Variants in KIZ observed in about 807,000 individuals in gnomAD.
KIZ encodes the protein centrosomal protein kizuna.
Under a neutral mutation model 79.6 loss-of-function variants are expected in KIZ, and 68 were observed. The observed-to-expected ratio is 0.85, with a 90% CI of 0.70 to 1.05. The LOEUF (loss-of-function observed/expected upper bound fraction) is 1.05, where lower values mean the gene tolerates loss of function less well. Ranked by LOEUF, KIZ falls within the 50% of genes least tolerant of loss-of-function variation. KIZ has a pLI of 0.00. For synonymous variants in KIZ, 280 were observed against 281.8 expected, an observed-to-expected ratio of 0.99 and a Z score of 0.06; for missense variants, 797 against 800.4, an observed-to-expected ratio of 1.00 and a Z score of 0.05.
At chr20:21,193,756 CA>C (rs939633180) in intron 6 of KIZ, among the ~76,000 whole-genome samples, 7 of 147,520 alleles carry the variant, frequency 4.7e-5, no homozygotes, top group African/African-American at 1.8e-4. Flanking sequence ...ATCGCAAGGA[CA>C]AAAAACCAAA....
intron 3 of KIZ, among the ~76,000 whole-genome samples, chr20:21,140,939 G>A (rs143066565): frequency 1.7e-3 from 255 of 152,212 alleles, no homozygotes; most frequent in African/African-American, 6.1e-3. Context: ...CCAGGAGGTT[G>A]AGGTTATAGT....
intron 6 of KIZ, among the ~76,000 whole-genome samples, chr20:21,176,332 A>G (rs1037992520): frequency 5.3e-5 from 8 of 152,060 alleles, no homozygotes; most frequent in South Asian, 2.1e-4. Context: ...CAATCAATCA[A>G]TCAATCCGGA....
At chr20:21,173,536 C>T (rs774955077) in intron 6 of KIZ, among the ~76,000 whole-genome samples, 1 of 144,874 alleles carries the variant, frequency 6.9e-6, no homozygotes, top group African/African-American at 2.5e-5. Context: ...CAAGATTGTG[C>T]CACTGGACTC....
intron 12 of KIZ, 108 bp from the exon 13 acceptor site, chr20:21,246,371 T>C (rs989233918): frequency 4.1e-5 from 29 of 706,434 alleles, no homozygotes; most frequent in Admixed American, 7.3e-5. Context: ...CTGTTATGCA[T>C]TTTGCAGACT....
intron 6 of KIZ, among the ~76,000 whole-genome samples, chr20:21,175,177 G>A (rs752694637): frequency 4.6e-5 from 7 of 152,222 alleles, no homozygotes; most frequent in African/African-American, 1.4e-4. Flanking sequence ...AGATGTGGCC[G>A]TCAGGGTATT....
intron 9 of KIZ, among the ~76,000 whole-genome samples, chr20:21,220,473 GT>G (rs959127467): frequency 2.0e-5 from 3 of 151,904 alleles, no homozygotes; most frequent in South Asian, 2.1e-4. Flanking sequence ...TATTTATTTT[GT>G]TTTTTTATTA....
intron 6 of KIZ, among the ~76,000 whole-genome samples, chr20:21,202,948 T>G (rs2035656791): frequency 6.6e-6 from 1 of 152,224 alleles, no homozygotes; most frequent in Non-Finnish European, 1.5e-5. Context: ...AACGCTTTTT[T>G]TCTTGAGTAG....
chr20:21,130,922 C>T lies in KIZ; in HGVS notation c.90-1175C>T, dbSNP rs142086981. 3.9e-5 allele frequency among the ~76,000 whole-genome samples: 6 copies of T among 152,382 alleles called. No homozygotes were observed. The East Asian group carries it at 1.2e-3, about 29-fold the overall frequency. On this transcript the variant is annotated intron_variant, in intron 1 of 12. Coordinates refer to ENST00000619189, the MANE Select transcript of KIZ (RefSeq NM_018474.6). ...GAGCATGGGGCCAGCCCCTTTCCCTCAGGAAGCCAACCTGAGATCACCTCT... is the reference window on the plus strand; with the variant it reads ...GAGCATGGGGCCAGCCCCTTTCCCTTAGGAAGCCAACCTGAGATCACCTCT...
chr20:21,165,511 G>A (rs139547671), intron 6 of KIZ, among the ~76,000 whole-genome samples: 7 of 152,306 alleles, frequency 4.6e-5, no homozygotes, highest in Admixed American at 3.9e-4. Flanking sequence ...GCTGTTGAAG[G>A]TTATTTTAGG....
rs535506046 is a variant in KIZ at position 21,126,120 on chromosome 20, G to A, written c.5G>A (p.Ser2Asn). 2 of 1,515,006 alleles carry A rather than the reference G, an allele frequency of 1.3e-6. No individual in the cohort carries two copies. The highest frequency in any genetic ancestry group is 1.4e-5 in the African/African-American group (1 of 69,484). The allele number at this position is 1,515,006 out of a possible 1,614,324, so 93.8% of individuals were successfully genotyped here. A position where few individuals can be genotyped will look rare whatever the true frequency, so the allele number is the denominator to read the frequency against. M[S>N]RTLASAVPLS... ...AGCTGGCGCAGCGGCAGCAGCATGAGCCGGACCCTCGCATCGGCCGTGCCC... is the reference window on the plus strand; with the variant it reads ...AGCTGGCGCAGCGGCAGCAGCATGAACCGGACCCTCGCATCGGCCGTGCCC... Residue 2 changes from serine to asparagine, a missense_variant, in exon 1 of 13, where the codon AGC (serine) becomes AAC (asparagine). By Grantham distance (46) the Ser-to-Asn change is conservative. Coordinates refer to ENST00000619189, the MANE Select transcript of KIZ (RefSeq NM_018474.6).
chr20:21,170,810 C>G (rs2034173186), intron 6 of KIZ, among the ~76,000 whole-genome samples: 1 of 152,222 alleles, frequency 6.6e-6, no homozygotes, highest in Middle Eastern at 3.2e-3. Context: ...TCTTTCTACT[C>G]TCTGTCTCCA....
At position 21,136,450 on chromosome 20, in the gene KIZ, G is replaced by C. The variant is rs1372107085; in HGVS notation, c.213G>C (p.Lys71Asn). 1.9e-6 allele frequency: 3 copies of C among 1,577,224 alleles called. No individual in the cohort carries two copies. The highest frequency in any genetic ancestry group is 2.7e-5 in the African/African-American group (2 of 74,404). The change falls in exon 3 of 13, where the codon AAG becomes AAC. Residue 71 changes from lysine to asparagine, a missense_variant. Lys to Asn is a moderately conservative substitution (Grantham distance 94). Coordinates refer to ENST00000619189, the MANE Select transcript of KIZ (RefSeq NM_018474.6). Reference sequence around the variant, plus strand: ...TGAAGGAAATATGTGAATCTGAAAAGAAGGCTCATACTCGAAACCAAGAAT... The same window carrying C: ...TGAAGGAAATATGTGAATCTGAAAACAAGGCTCATACTCGAAACCAAGAAT... ...NYLKEICESEKKAHTRNQEYL... is the reference protein window; with the variant it reads ...NYLKEICESENKAHTRNQEYL...
intron 4 of KIZ, among the ~76,000 whole-genome samples, chr20:21,159,266 ATC>A (rs1385255334): frequency 2.0e-5 from 3 of 152,038 alleles, no homozygotes; most frequent in Admixed American, 1.3e-4. Context: ...CAATCCTCCC[ATC>A]TCAGCCTCAG....
intron 11 of KIZ, among the ~76,000 whole-genome samples, chr20:21,243,507 A>C (rs536879390): frequency 1.3e-5 from 2 of 152,104 alleles, no homozygotes; most frequent in South Asian, 4.1e-4. Context: ...TTCTCTCCCA[A>C]CATCTCCTGT....
chr20:21,186,112 ATATT>A (rs1262542309), intron 6 of KIZ, among the ~76,000 whole-genome samples: 1 of 152,146 alleles, frequency 6.6e-6, no homozygotes, highest in Non-Finnish European at 1.5e-5. Flanking sequence ...TTGTGTACAT[ATATT>A]TATTGTTTAC....
chr20:21,159,046 C>T (rs1481746205), intron 4 of KIZ, among the ~76,000 whole-genome samples: 1 of 149,966 alleles, frequency 6.7e-6, no homozygotes, highest in East Asian at 1.9e-4. Context: ...TTGCTCTTGT[C>T]ACCCAGGCTG....
At chr20:21,244,658 A>G (rs1043786576) in intron 12 of KIZ, 6 of 203,764 alleles carry the variant, frequency 2.9e-5, no homozygotes, top group African/African-American at 1.4e-4. Flanking sequence ...CTCTTGGAGT[A>G]ACTCTAACTG....
intron 9 of KIZ, among the ~76,000 whole-genome samples, chr20:21,221,361 ATTTTC>A (rs2036496666): frequency 6.6e-6 from 1 of 152,132 alleles, no homozygotes; most frequent in Admixed American, 6.5e-5. Flanking sequence ...ATATTAAGGA[ATTTTC>A]TTAAATGCTT....
At chr20:21,187,430 C>CG (rs1300327417) in intron 6 of KIZ, among the ~76,000 whole-genome samples, 1 of 152,210 alleles carries the variant, frequency 6.6e-6, no homozygotes. Context: ...ATTCATCAGA[C>CG]TAAATTGGCC....
Sources: allele counts gnomAD v4.1 joint callset (sites outside exome capture counted in the v4.1 genomes callset), GRCh38; gene constraint gnomAD v4.1.1; transcripts MANE v1.5; gene names NCBI Gene and HGNC (gene_info 2026-07-23, HGNC 2026-07-21).